The following IGF2BP2 variants were observed in gnomAD, a reference collection of about 807,000 sequenced individuals.
IGF2BP2 encodes the protein insulin-like growth factor 2 mRNA-binding protein 2.
Under a neutral mutation model 75.8 loss-of-function variants are expected in IGF2BP2, and 17 were observed. The ratio of observed to expected loss-of-function variants is 0.22; its 90% CI spans 0.15 to 0.34. IGF2BP2 has a LOEUF of 0.34. Among genes scored for constraint, IGF2BP2 ranks in the 10% least tolerant of loss-of-function variants. IGF2BP2 has a pLI of 1.00. For synonymous variants in IGF2BP2, 288 were observed against 295.6 expected (o/e 0.97, Z 0.26); for missense variants, 516 against 772.4 (o/e 0.67, Z 3.93).
chr3:185,647,290 C>G lies in IGF2BP2; in HGVS notation c.1594-152G>C. The G allele has an allele frequency of 1.5e-6, 1 of 646,608 alleles. No individual in the cohort carries two copies. Among genetic ancestry groups the G allele is most frequent in the Non-Finnish European group, 2.8e-6 (1 of 357,326 alleles). The allele number at this position is 646,608 out of a possible 1,614,324, so 40.1% of individuals were successfully genotyped here. A position where few individuals can be genotyped will look rare whatever the true frequency, so the allele number is the denominator to read the frequency against. ...CCTTTTATCAAGGACACCCCGGGGG[C>G]TCCTCTGCCCCTGAGCACATGGGGC... On this transcript the variant is annotated intron_variant, in intron 14 of 15. Coordinates refer to ENST00000382199, the MANE Select transcript of IGF2BP2 (RefSeq NM_006548.6). The surrounding 1 kb of genome is among the most constrained non-coding windows in gnomAD (Gnocchi z 4.9).
At chr3:185,649,343 A>G (rs1714161661) in intron 14 of IGF2BP2, 60 bp downstream of exon 14, 24 of 1,593,014 alleles carry the variant, frequency 1.5e-5, no homozygotes, top group Non-Finnish European at 2.0e-5. Context: ...GAGGGAACTC[A>G]GGCAAGGCCA....
At chr3:185,809,931 T>G (rs1739573850) in intron 2 of IGF2BP2, among the ~76,000 whole-genome samples, 1 of 152,192 alleles carries the variant, frequency 6.6e-6, no homozygotes, top group Non-Finnish European at 1.5e-5. Context: ...ACTTCAAATT[T>G]TTTAAATTCA....
chr3:185,787,747 GTT>G (rs1368233005), intron 2 of IGF2BP2, among the ~76,000 whole-genome samples: 2 of 151,384 alleles, frequency 1.3e-5, no homozygotes, highest in East Asian at 3.9e-4. Flanking sequence ...AAAAAAAACA[GTT>G]TGCACGAGTT....
chr3:185,824,665 G>C (rs1741807338), intron 1 of IGF2BP2, 118 bp downstream of exon 1: 2 of 642,898 alleles, frequency 3.1e-6, no homozygotes, highest in South Asian at 7.9e-5. Flanking sequence ...GCGTGGAAGT[G>C]AGCGTGCGGG....
At chr3:185,774,582 G>A (rs556339921) in intron 2 of IGF2BP2, among the ~76,000 whole-genome samples, 4 of 136,436 alleles carry the variant, frequency 2.9e-5, no homozygotes, top group African/African-American at 5.9e-5. Flanking sequence ...GCAACAGAGC[G>A]AGACTCTGTC....
Position 185,645,354 on chromosome 3 carries a change from T to A in IGF2BP2, c.*177A>T. On this transcript the variant is annotated 3_prime_UTR_variant, in exon 16 of 16. Transcript: ENST00000382199. The surrounding 1 kb of genome is among the most constrained non-coding windows in gnomAD (Gnocchi z 4.9). ...AAACCTGGCTGACCTTCCCCGCCCC[T>A]CCTCGGCCCCTGGGGTTCTCAGGGC... 1 of 583,804 alleles carries A rather than the reference T, an allele frequency of 1.7e-6. No homozygotes were observed. Among genetic ancestry groups the A allele is most frequent in the South Asian group, 2.3e-5 (1 of 43,756 alleles). The allele number at this position is 583,804 out of a possible 1,614,324, so 36.2% of individuals were successfully genotyped here.
chr3:185,650,958 G>C (rs535479454), intron 13 of IGF2BP2, among the ~76,000 whole-genome samples: 10 of 152,340 alleles, frequency 6.6e-5, no homozygotes, highest in Admixed American at 5.9e-4. Context: ...ACCCAGGCTA[G>C]AGTGCAGTGG....
Position 185,689,713 on chromosome 3 carries a change from A to T in IGF2BP2, c.405-86T>A, listed in dbSNP as rs1577979833. 4 of 1,511,908 alleles carry T rather than the reference A, an allele frequency of 2.6e-6. No homozygotes were observed. The East Asian group carries it at 9.0e-5, about 34-fold the overall frequency. 93.7% of individuals were successfully genotyped at this position (1,511,908 alleles called of 1,614,324 possible). On this transcript the variant is annotated intron_variant, in intron 5 of 15. Coordinates refer to ENST00000382199, the MANE Select transcript of IGF2BP2 (RefSeq NM_006548.6). ...GCCGGGCGCGGTGGCTCACGCCTGT[A>T]ATCCCAGCACTTTGGGAGGCCGAGG...
chr3:185,815,652 A>G (rs1274432396), intron 2 of IGF2BP2, among the ~76,000 whole-genome samples: 3 of 152,132 alleles, frequency 2.0e-5, no homozygotes, highest in Non-Finnish European at 4.4e-5. Context: ...TCAGAATTCC[A>G]CGGAAAATGC....
chr3:185,707,881 A>G (rs995448693), intron 2 of IGF2BP2, among the ~76,000 whole-genome samples: 7 of 152,202 alleles, frequency 4.6e-5, no homozygotes, highest in African/African-American at 1.7e-4. Context: ...ACGTAGTTTT[A>G]GCTCAAGTTT....
chr3:185,664,225 A>C (rs1716928260), intron 10 of IGF2BP2, among the ~76,000 whole-genome samples: 1 of 152,174 alleles, frequency 6.6e-6, no homozygotes, highest in Non-Finnish European at 1.5e-5. Flanking sequence ...TAGAGCTGAG[A>C]TGCTAACACA....
At position 185,645,321 on chromosome 3, in the gene IGF2BP2, G is replaced by A. The variant is rs1713323909; in HGVS notation, c.*210C>T. On this transcript the variant is annotated 3_prime_UTR_variant, in exon 16 of 16. Transcript: ENST00000382199. The surrounding 1 kb of genome is among the most constrained non-coding windows in gnomAD (Gnocchi z 4.9). Reference sequence around the variant, plus strand: ...GGGGGGCGGGAGGCGGGGCTCGGTGGTTCTGGCAAACCTGGCTGACCTTCC... The same window carrying A: ...GGGGGGCGGGAGGCGGGGCTCGGTGATTCTGGCAAACCTGGCTGACCTTCC... 3.5e-6 allele frequency: 2 copies of A among 568,992 alleles called. No individual in the cohort carries two copies. The highest frequency in any genetic ancestry group is 6.3e-6 in the Non-Finnish European group (2 of 318,648). 35.2% of individuals were successfully genotyped at this position (568,992 alleles called of 1,614,324 possible). A position where few individuals can be genotyped will look rare whatever the true frequency, so the allele number is the denominator to read the frequency against.
chr3:185,686,723 T>C (rs755427648), intron 7 of IGF2BP2, among the ~76,000 whole-genome samples: 6 of 152,168 alleles, frequency 3.9e-5, no homozygotes, highest in Non-Finnish European at 8.8e-5. Flanking sequence ...CATGTGGCTA[T>C]TGAACAGTGC....
chr3:185,659,651 T>C (rs1716091763), intron 10 of IGF2BP2, among the ~76,000 whole-genome samples: 1 of 151,970 alleles, frequency 6.6e-6, no homozygotes, highest in African/African-American at 2.4e-5. Flanking sequence ...GATATGATTA[T>C]AAGTGTGAGC....
chr3:185,676,760 T>G (rs1719427374), intron 7 of IGF2BP2, among the ~76,000 whole-genome samples: 1 of 129,238 alleles, frequency 7.7e-6, no homozygotes, highest in South Asian at 2.6e-4. Context: ...ACTGGAGATA[T>G]ATATATATAT....
chr3:185,667,526 T>C (rs1717833074), intron 10 of IGF2BP2, among the ~76,000 whole-genome samples: 1 of 152,176 alleles, frequency 6.6e-6, no homozygotes, highest in African/African-American at 2.4e-5. Context: ...TTTACAGTCT[T>C]GGATGGAAGA....
chr3:185,679,136 A>G (rs1414666249), intron 7 of IGF2BP2, among the ~76,000 whole-genome samples: 5 of 152,154 alleles, frequency 3.3e-5, no homozygotes, highest in Non-Finnish European at 7.4e-5. Flanking sequence ...GGAAGGACTT[A>G]CTTTTGTCAT....
At chr3:185,816,423 C>G (rs571309636) in intron 2 of IGF2BP2, among the ~76,000 whole-genome samples, 53 of 152,306 alleles carry the variant, frequency 3.5e-4, no homozygotes, top group African/African-American at 1.2e-3. Context: ...ACAGATCACT[C>G]AGACTGATGT....
rs1241146390 is a variant in IGF2BP2 at position 185,665,452 on chromosome 3, GAGGAGAAGA to G, written c.1201-7052_1201-7044del. 2.5e-4 allele frequency among the ~76,000 whole-genome samples: 27 copies of G among 109,820 alleles called. 2 individuals carry two copies. Among genetic ancestry groups the G allele is most frequent in the African/African-American group, 8.6e-4 (25 of 28,942 alleles). 72.0% of individuals were successfully genotyped at this position (109,820 alleles called of 152,430 possible). On this transcript the variant is annotated intron_variant, in intron 10 of 15. Coordinates refer to ENST00000382199, the MANE Select transcript of IGF2BP2 (RefSeq NM_006548.6). ...GGAGGAGGAGGAGAAGGAGGAGGAG[GAGGAGAAGA>G]AGAAGAAGAAGAAGGAGAAGAAGGA... is the stretch of plus-strand genomic sequence containing the variant.
Sources: gnomAD v4.1 joint callset for allele counts (sites outside exome capture counted in the v4.1 genomes callset) on GRCh38, gnomAD v4.1.1 for gene constraint, Gnocchi (gnomAD v3.1) non-coding constraint, MANE v1.5 for transcripts, NCBI Gene and HGNC (gene_info 2026-07-23, HGNC 2026-07-21) for gene names.